Variants in KLRG1 observed in about 807,000 individuals in gnomAD.
KLRG1 encodes killer cell lectin like receptor G1, also known as killer cell lectin-like receptor subfamily G member 1.
A neutral mutation model predicts 21.8 loss-of-function variants in KLRG1; 16 were observed. The ratio of observed to expected loss-of-function variants is 0.73; its 90% CI spans 0.50 to 1.11. The LOEUF (loss-of-function observed/expected upper bound fraction) is 1.11. Ranked by LOEUF, KLRG1 falls within the 50% of genes most tolerant of loss-of-function variation. The probability of loss-of-function intolerance (pLI) is 0.00; values close to 1 mark genes in which losing one functional copy is unlikely to be tolerated. For missense variants in KLRG1, 173 were observed against 218.3 expected (o/e 0.79, Z 1.31); for synonymous variants, 69 against 75.9 (o/e 0.91, Z 0.47).
the KLRG1 span, among the ~76,000 whole-genome samples, chr12:9,049,318 T>A: frequency 6.6e-6 from 1 of 152,200 alleles, no homozygotes; most frequent in Non-Finnish European, 1.5e-5. Context: ...TACAGACAGA[T>A]GCCGGTGGCG....
chr12:9,078,752 A>G, the KLRG1 span, among the ~76,000 whole-genome samples: 5 of 152,216 alleles, frequency 3.3e-5, no homozygotes, highest in Non-Finnish European at 5.9e-5. Flanking sequence ...ATCTTCTCAC[A>G]TGCAGCTCTT....
At chr12:9,053,662 A>T in the KLRG1 span, among the ~76,000 whole-genome samples, 1 of 152,346 alleles carries the variant, frequency 6.6e-6, no homozygotes, top group African/African-American at 2.4e-5. Context: ...AGCATTAAGC[A>T]CTAGGTCAGC....
chr12:9,106,490 C>A, the KLRG1 span: 2 of 1,580,034 alleles, frequency 1.3e-6, no homozygotes, highest in Non-Finnish European at 1.7e-6. Flanking sequence ...AGTACACAAA[C>A]CTGTTCCTTC....
the KLRG1 span, among the ~76,000 whole-genome samples, chr12:9,215,486 T>C: frequency 3.3e-5 from 5 of 151,948 alleles, no homozygotes; most frequent in South Asian, 1.0e-3. Context: ...ACGAAAAAAG[T>C]CCTTTCTCTT....
At chr12:9,111,051 C>T in the KLRG1 span, among the ~76,000 whole-genome samples, 50,966 of 151,800 alleles carry the variant, frequency 0.34, 8,976 homozygotes, top group Admixed American at 0.37. Context: ...AGAATTCTTA[C>T]GTAGTTCTAA....
chr12:9,008,071 G>A (rs1212465290), intron 3 of KLRG1, among the ~76,000 whole-genome samples: 1 of 152,234 alleles, frequency 6.6e-6, no homozygotes, highest in East Asian at 1.9e-4. Flanking sequence ...AAGTGGTGTA[G>A]CCAATTTACC....
chr12:9,010,659 A>G lies in KLRG1; in HGVS notation c.*1122A>G, dbSNP rs937586534. On this transcript the variant is annotated 3_prime_UTR_variant, in exon 5 of 5. Coordinates refer to ENST00000356986, the MANE Select transcript of KLRG1 (RefSeq NM_005810.4). Reference sequence around the variant, plus strand: ...TTTCATAGTTTTTTTAAAAACATGGACTGTATCTTATCTACCACTATATCC... The same window carrying G: ...TTTCATAGTTTTTTTAAAAACATGGGCTGTATCTTATCTACCACTATATCC... 2.6e-5 allele frequency: 4 copies of G among 152,166 alleles called. No individual in the cohort carries two copies. Among genetic ancestry groups the G allele is most frequent in the Admixed American group, 2.0e-4 (3 of 15,280 alleles). 9.4% of individuals were successfully genotyped at this position (152,166 alleles called of 1,614,324 possible).
chr12:9,077,334 G>A, the KLRG1 span: 13 of 1,609,472 alleles, frequency 8.1e-6, no homozygotes, highest in East Asian at 2.2e-5. Context: ...AGAGGAATGG[G>A]GTGGTACCTA....
the KLRG1 span, among the ~76,000 whole-genome samples, chr12:9,191,830 C>T: frequency 6.6e-6 from 1 of 152,114 alleles, no homozygotes; most frequent in African/African-American, 2.4e-5. Context: ...TTCCCATTTC[C>T]CATGATAATT....
At chr12:8,979,676 G>T (rs1475323790) in intron 1 of KLRG1, among the ~76,000 whole-genome samples, 1 of 151,904 alleles carries the variant, frequency 6.6e-6, no homozygotes, top group Non-Finnish European at 1.5e-5. Context: ...TATTCTCCTT[G>T]TGGGACTTCT....
At chr12:9,152,769 T>C in the KLRG1 span, 2 of 1,571,456 alleles carry the variant, frequency 1.3e-6, no homozygotes, top group Admixed American at 3.6e-5. Flanking sequence ...TTAATTTCTG[T>C]TAATTCCAAG....
chr12:9,126,497 AT>A, the KLRG1 span, among the ~76,000 whole-genome samples: 10 of 152,210 alleles, frequency 6.6e-5, no homozygotes, highest in Admixed American at 6.5e-4. Flanking sequence ...TTTCAGAAGA[AT>A]GCCTAACTTA....
chr12:9,154,636 C>T, the KLRG1 span: 2 of 1,614,124 alleles, frequency 1.2e-6, no homozygotes, highest in Middle Eastern at 1.6e-4. Context: ...GAGAAACCAC[C>T]TTGGGCGTTC....
At chr12:9,143,320 G>A in the KLRG1 span, among the ~76,000 whole-genome samples, 1 of 152,172 alleles carries the variant, frequency 6.6e-6, no homozygotes, top group Non-Finnish European at 1.5e-5. Context: ...AAAGGCAGAG[G>A]TGGTTTGACT....
chr12:9,032,951 G>A, the KLRG1 span, among the ~76,000 whole-genome samples: 2 of 152,170 alleles, frequency 1.3e-5, no homozygotes, highest in African/African-American at 4.8e-5. Flanking sequence ...AAAACTTTGA[G>A]CCTTCAGGGA....
chr12:9,150,568 A>G, the KLRG1 span: 1 of 983,844 alleles, frequency 1.0e-6, no homozygotes, highest in Non-Finnish European at 1.6e-6. Context: ...TAAGTGGGCT[A>G]AGAAGAGGAT....
chr12:9,175,215 G>C, the KLRG1 span, among the ~76,000 whole-genome samples: 1 of 152,110 alleles, frequency 6.6e-6, no homozygotes, highest in Non-Finnish European at 1.5e-5. Context: ...TGGAGGAAAG[G>C]CCTCCCTATT....
the KLRG1 span, among the ~76,000 whole-genome samples, chr12:9,085,593 A>C: frequency 1.7e-4 from 26 of 152,218 alleles, no homozygotes; most frequent in Non-Finnish European, 2.9e-5. Flanking sequence ...TATTCCTCAG[A>C]GAAGTAGGAA....
At chr12:9,083,653 A>T in the KLRG1 span, among the ~76,000 whole-genome samples, 13 of 151,936 alleles carry the variant, frequency 8.6e-5, no homozygotes, top group Non-Finnish European at 1.6e-4. Context: ...ATGGGACATC[A>T]TCATGAAATC....
Sources: allele counts gnomAD v4.1 joint callset (sites outside exome capture counted in the v4.1 genomes callset), GRCh38; gene constraint gnomAD v4.1.1; transcripts MANE v1.5; gene names NCBI Gene and HGNC (gene_info 2026-07-23, HGNC 2026-07-21).